Variants in SAAL1 observed in about 807,000 individuals in gnomAD.
SAAL1 encodes the protein protein SAAL1.
A neutral mutation model predicts 59.8 loss-of-function variants in SAAL1; 42 were observed. That is an observed-to-expected ratio of 0.70 (90% CI 0.55 to 0.91). The LOEUF is 0.91. SAAL1 is among the 40% of genes least tolerant of loss of function. The pLI, the probability that SAAL1 is intolerant of heterozygous loss-of-function variation, is 0.00. For missense variants in SAAL1, 542 were observed against 561.1 expected (o/e 0.97, Z 0.34); for synonymous variants, 191 against 194.3 (o/e 0.98, Z 0.14).
chr11:18,105,616 A>T (rs182461793), intron 1 of SAAL1, among the ~76,000 whole-genome samples: 12 of 152,314 alleles, frequency 7.9e-5, no homozygotes, highest in Non-Finnish European at 1.0e-4. Context: ...CGAGGAATGC[A>T]GTTACACGAT....
chr11:18,088,137 G>C (rs764813542), intron 7 of SAAL1, among the ~76,000 whole-genome samples: 1 of 152,188 alleles, frequency 6.6e-6, no homozygotes, highest in African/African-American at 2.4e-5. Context: ...AAGAAGTGAC[G>C]CAAACTTCAC....
chr11:18,102,424 T>C (rs1383879758), intron 2 of SAAL1, among the ~76,000 whole-genome samples: 1 of 150,186 alleles, frequency 6.7e-6, no homozygotes, highest in African/African-American at 2.5e-5. Flanking sequence ...TCAATGTCAA[T>C]GATACTTCAA....
rs774406529 is a variant in SAAL1, at chr11:18,092,353, TG to T, written c.334-30del. The T allele has an allele frequency of 4.3e-5, 59 of 1,370,670 alleles. 1 individual carries two copies. In the South Asian group the frequency reaches 6.6e-4, roughly 15 times the overall value. The allele number at this position is 1,370,670 out of a possible 1,614,324, so 84.9% of individuals were successfully genotyped here. ...CCAAATCAAATTTTACAAGTCACAATGGCTCTGAGACGAAAGACGTAAACAA... is the reference window on the plus strand; with the variant it reads ...CCAAATCAAATTTTACAAGTCACAATGCTCTGAGACGAAAGACGTAAACAA... On this transcript the variant is annotated intron_variant, in intron 3 of 11. Transcript: ENST00000524803.
chr11:18,084,676 A>C (rs1370595354), intron 9 of SAAL1, among the ~76,000 whole-genome samples: 2 of 152,230 alleles, frequency 1.3e-5, no homozygotes, highest in Non-Finnish European at 2.9e-5. Flanking sequence ...CTACAAATGA[A>C]GATCTTAAAA....
chr11:18,096,910 A>C, intron 2 of SAAL1, 56 bp from the exon 3 acceptor site: 2 of 892,136 alleles, frequency 2.2e-6, no homozygotes, highest in Non-Finnish European at 1.8e-6. Context: ...CTAAACCCTA[A>C]AGCTCAGGCA....
chr11:18,096,847 G>A lies in SAAL1; in HGVS notation c.257C>T (p.Ala86Val), dbSNP rs754645831. ...VWDMSMDEDV[A>V]LFLQEFNAPD... Reference sequence around the variant, plus strand: ...AGCATTAAATTCTTGGAGAAATAAAGCCACGTCCTGAAAAGAAAAATGATT... The same window carrying A: ...AGCATTAAATTCTTGGAGAAATAAAACCACGTCCTGAAAAGAAAAATGATT... The change falls in exon 3 of 12, where the codon GCT becomes GTT. Residue 86 changes from alanine (A) to valine (V), a missense_variant. By Grantham distance (64) the Ala-to-Val change is moderately conservative. Transcript: ENST00000524803. 2.2e-5 allele frequency: 35 copies of A among 1,560,298 alleles called. 1 individual carries two copies. In the South Asian group the frequency reaches 3.8e-4, roughly 17 times the overall value.
At chr11:18,102,062 C>T (rs766877444) in intron 2 of SAAL1, among the ~76,000 whole-genome samples, 5 of 152,052 alleles carry the variant, frequency 3.3e-5, no homozygotes, top group African/African-American at 9.7e-5. Context: ...GATGGGTATG[C>T]GCTGTATCCT....
chr11:18,102,646 A>G (rs1848647032), intron 2 of SAAL1, among the ~76,000 whole-genome samples: 1 of 152,180 alleles, frequency 6.6e-6, no homozygotes, highest in South Asian at 2.1e-4. Flanking sequence ...CTATTGCTAA[A>G]GTCCAGGTAA....
chr11:18,099,557 A>G (rs1456034338), intron 2 of SAAL1, among the ~76,000 whole-genome samples: 1 of 152,256 alleles, frequency 6.6e-6, no homozygotes, highest in African/African-American at 2.4e-5. Flanking sequence ...TAGACATGAC[A>G]TTGAAAAGAA....
At chr11:18,105,541 T>G (rs1848679935) in intron 1 of SAAL1, among the ~76,000 whole-genome samples, 1 of 152,000 alleles carries the variant, frequency 6.6e-6, no homozygotes, top group African/African-American at 2.4e-5. Context: ...ACAACGATAG[T>G]CCATGAAATA....
chr11:18,086,449 A>C (rs1264332883), intron 9 of SAAL1, among the ~76,000 whole-genome samples: 1 of 152,194 alleles, frequency 6.6e-6, no homozygotes, highest in Non-Finnish European at 1.5e-5. Context: ...CTGTAATCCC[A>C]GCACTTTGGG....
intron 11 of SAAL1, 102 bp downstream of exon 11, chr11:18,081,309 A>C: frequency 1.3e-6 from 1 of 789,524 alleles, no homozygotes; most frequent in South Asian, 1.7e-5. Context: ...TAAATTGTAT[A>C]TACTATCATT....
Position 18,081,480 on chromosome 11 carries a change from C to T in SAAL1, c.1263G>A (p.Lys421=). Residue 421 remains lysine, a synonymous_variant, in exon 11 of 12, where the codon AAG becomes AAA. Transcript: ENST00000524803. The part of the protein sequence containing the change: ...LTKETVAQGV[K]EGQLSKQKCS... ...ACTTCTGTTTGCTCAACTGGCCTTC[C>T]TTTACTCCCTGAGCCACCGTCTCCT... The T allele has an allele frequency of 1.2e-6, 2 of 1,613,990 alleles. No homozygotes were observed. The highest frequency in any genetic ancestry group is 2.2e-5 in the East Asian group (1 of 44,874).
intron 8 of SAAL1, 35 bp downstream of exon 8, chr11:18,087,108 G>C (rs1848472508): frequency 1.9e-6 from 3 of 1,593,594 alleles, no homozygotes; most frequent in Non-Finnish European, 2.6e-6. Flanking sequence ...ACAATTAAAT[G>C]AGTAACTGTA....
Position 18,096,857 on chromosome 11 carries a change from GA to G in SAAL1, c.250-4del. On this transcript the variant is annotated splice_region_variant and splice_polypyrimidine_tract_variant and intron_variant, in intron 2 of 11. Transcript: ENST00000524803. Reference sequence around the variant, plus strand: ...TCTTGGAGAAATAAAGCCACGTCCTGAAAAGAAAAATGATTATTAACTTGGA... The same window carrying G: ...TCTTGGAGAAATAAAGCCACGTCCTGAAAGAAAAATGATTATTAACTTGGA... The G allele has an allele frequency of 1.3e-6, 2 of 1,511,328 alleles. No individual in the cohort carries two copies. Among genetic ancestry groups the G allele is most frequent in the Non-Finnish European group, 1.8e-6 (2 of 1,095,252 alleles). The allele number at this position is 1,511,328 out of a possible 1,614,324, so 93.6% of individuals were successfully genotyped here. A position where few individuals can be genotyped will look rare whatever the true frequency, so the allele number is the denominator to read the frequency against.
At chr11:18,097,152 G>A (rs1186447281) in intron 2 of SAAL1, among the ~76,000 whole-genome samples, 4 of 151,968 alleles carry the variant, frequency 2.6e-5, no homozygotes, top group East Asian at 1.9e-4. Flanking sequence ...CAGGCGAATC[G>A]CTAGAACCCG....
chr11:18,097,874 GT>G (rs1173878099), intron 2 of SAAL1, among the ~76,000 whole-genome samples: 8 of 53,346 alleles, frequency 1.5e-4, no homozygotes, highest in African/African-American at 8.2e-4. Context: ...GCTGGGCGAG[GT>G]GGCTCACGCC....
intron 10 of SAAL1, 129 bp from the exon 11 acceptor site, chr11:18,081,632 C>T (rs1486501250): frequency 7.3e-6 from 5 of 681,618 alleles, no homozygotes; most frequent in African/African-American, 7.2e-5. Context: ...CACCTGAACC[C>T]ACCAACATCA....
At chr11:18,089,658 A>C in intron 6 of SAAL1, 148 bp from the exon 7 acceptor site, 2 of 643,220 alleles carry the variant, frequency 3.1e-6, no homozygotes, top group Non-Finnish European at 5.0e-6. Context: ...TTTTATGTTT[A>C]AATTTGCTTA....
Sources: allele counts gnomAD v4.1 joint callset (sites outside exome capture counted in the v4.1 genomes callset), GRCh38; gene constraint gnomAD v4.1.1; transcripts MANE v1.5; gene names NCBI Gene and HGNC (gene_info 2026-07-23, HGNC 2026-07-21).